PPP2R2D: variants seen among roughly 807,000 people sequenced by gnomAD.
The protein encoded by PPP2R2D is protein phosphatase 2 regulatory subunit Bdelta.
A neutral mutation model predicts 31.1 loss-of-function variants in PPP2R2D; 9 were observed. The ratio of observed to expected loss-of-function variants is 0.29; its 90% CI spans 0.17 to 0.51. The LOEUF (loss-of-function observed/expected upper bound fraction) is 0.51. PPP2R2D is among the 20% of genes least tolerant of loss of function. PPP2R2D has a pLI of 0.98. For missense variants in PPP2R2D, 391 were observed against 465.6 expected (o/e 0.84, Z 1.48); for synonymous variants, 179 against 172.6 (o/e 1.04, Z -0.29).
chr10:131,954,646 T>TTC (rs2036760293), intron 8 of PPP2R2D, among the ~76,000 whole-genome samples: 1 of 147,164 alleles, frequency 6.8e-6, no homozygotes, highest in Non-Finnish European at 1.5e-5. Context: ...TTTTTTTTTT[T>TTC]CCCCTGCTTT....
At chr10:131,923,971 G>A (rs1462710322) in intron 2 of PPP2R2D, among the ~76,000 whole-genome samples, 3 of 152,132 alleles carry the variant, frequency 2.0e-5, no homozygotes, top group Non-Finnish European at 4.4e-5. Flanking sequence ...TGTTGCCCAG[G>A]CTGGTCTTGA....
intron 5 of PPP2R2D, among the ~76,000 whole-genome samples, chr10:131,941,390 G>A (rs2036438226): frequency 6.6e-6 from 1 of 152,204 alleles, no homozygotes; most frequent in South Asian, 2.1e-4. Context: ...ACATGGTGAA[G>A]GGTGTCCGGC....
chr10:131,918,706 C>CAG (rs2035884147), intron 2 of PPP2R2D, among the ~76,000 whole-genome samples: 1 of 145,076 alleles, frequency 6.9e-6, no homozygotes, highest in Non-Finnish European at 1.5e-5. Flanking sequence ...GGTGGAATGA[C>CAG]AGTGTTTGTA....
chr10:131,948,601 G>C (rs1015644252), intron 8 of PPP2R2D, among the ~76,000 whole-genome samples: 1 of 152,202 alleles, frequency 6.6e-6, no homozygotes, highest in African/African-American at 2.4e-5. Context: ...CTAAGAGGGA[G>C]CTGAAACCAG....
intron 2 of PPP2R2D, among the ~76,000 whole-genome samples, chr10:131,919,117 A>C (rs1399524934): frequency 3.5e-5 from 4 of 115,666 alleles, no homozygotes; most frequent in Non-Finnish European, 7.1e-5. Context: ...CTGGAATGAC[A>C]GTGTAGGGAC....
intron 2 of PPP2R2D, among the ~76,000 whole-genome samples, chr10:131,904,150 GGC>G (rs2035544996): frequency 6.6e-6 from 1 of 151,870 alleles, no homozygotes; most frequent in Admixed American, 6.6e-5. Context: ...GTTGCAGTGA[GGC>G]GAGATGGTGC....
At chr10:131,964,232 C>T (rs1398740372), downstream of PPP2R2D, among the ~76,000 whole-genome samples, 1 of 152,072 alleles carries the variant, frequency 6.6e-6, no homozygotes, top group Admixed American at 6.5e-5. Flanking sequence ...GAGTATCTTG[C>T]GGGGACACAA....
intron 3 of PPP2R2D, chr10:131,935,078 G>A (rs1304088376): frequency 7.1e-6 from 3 of 420,022 alleles, no homozygotes; most frequent in African/African-American, 6.1e-5. Context: ...CCTTCAGAGT[G>A]TGGGCCTTGG....
intron 6 of PPP2R2D, 115 bp downstream of exon 6, chr10:131,944,260 T>C: frequency 4.0e-6 from 3 of 755,454 alleles, no homozygotes; most frequent in Non-Finnish European, 6.3e-6. Flanking sequence ...ATACCATCAC[T>C]GCACAGCAGC....
At chr10:131,965,371 C>T in the PPP2R2D span, among the ~76,000 whole-genome samples, 16 of 152,336 alleles carry the variant, frequency 1.1e-4, no homozygotes, top group East Asian at 2.7e-3. Context: ...TGGCATCACT[C>T]CCTCCTTATC....
At chr10:131,918,081 T>C (rs531299745) in intron 2 of PPP2R2D, among the ~76,000 whole-genome samples, 244 of 133,120 alleles carry the variant, frequency 1.8e-3, no homozygotes, top group African/African-American at 6.6e-3. Context: ...GCGGGTGGAG[T>C]GACACAGTGT....
chr10:131,965,167 G>T, the PPP2R2D span, among the ~76,000 whole-genome samples: 5 of 152,312 alleles, frequency 3.3e-5, no homozygotes, highest in South Asian at 1.0e-3. Context: ...GGCACTGGAG[G>T]ATCCACAGAG....
the PPP2R2D span, chr10:131,971,385 G>A: frequency 1.3e-5 from 3 of 233,562 alleles, no homozygotes; most frequent in Non-Finnish European, 2.5e-5. Flanking sequence ...ACATGACGAA[G>A]GAAGGGACAC....
the PPP2R2D span, chr10:131,967,144 G>C: frequency 6.6e-6 from 1 of 152,308 alleles, no homozygotes; most frequent in East Asian, 1.9e-4. Context: ...CAAAGTGCTG[G>C]GATTACAGGC....
chr10:131,921,934 G>T (rs1167622933), intron 2 of PPP2R2D, among the ~76,000 whole-genome samples: 2 of 152,180 alleles, frequency 1.3e-5, no homozygotes, highest in Non-Finnish European at 2.9e-5. Context: ...TGAGAGAAAG[G>T]TTAATATATT....
chr10:131,930,826 C>T (rs933596686), intron 2 of PPP2R2D, among the ~76,000 whole-genome samples: 1 of 152,164 alleles, frequency 6.6e-6, no homozygotes, highest in Non-Finnish European at 1.5e-5. Context: ...TTCTAGAACT[C>T]GTCAGCTGGG....
intron 2 of PPP2R2D, among the ~76,000 whole-genome samples, chr10:131,921,224 A>G (rs1238350463): frequency 6.6e-6 from 1 of 152,174 alleles, no homozygotes; most frequent in Non-Finnish European, 1.5e-5. Flanking sequence ...TTGTTGTTGC[A>G]TGTCTAGATC....
Position 131,959,025 on chromosome 10 carries a change from C to G in PPP2R2D, c.*3062C>G, listed in dbSNP as rs2036875398. On this transcript the variant is annotated 3_prime_UTR_variant, in exon 9 of 9. Transcript: ENST00000455566. ...AAGGCGTGTGCTGATCCCCCATCCC[C>G]CTGTGGAGATGAAGGCGTGTGCTCA... 7.7e-6 allele frequency: 1 copy of G among 130,588 alleles called. No homozygotes were observed. The highest frequency in any genetic ancestry group is 1.5e-5 in the Non-Finnish European group (1 of 65,586). The allele number at this position is 130,588 out of a possible 1,614,324, so 8.1% of individuals were successfully genotyped here. A position where few individuals can be genotyped will look rare whatever the true frequency, so the allele number is the denominator to read the frequency against.
chr10:131,961,822 T>G (rs1253220317), downstream of PPP2R2D, among the ~76,000 whole-genome samples: 1 of 142,482 alleles, frequency 7.0e-6, no homozygotes, highest in Non-Finnish European at 1.5e-5. Context: ...ACACTTGATG[T>G]CCTCCAGGGT....
Sources: gnomAD v4.1 joint callset for allele counts (sites outside exome capture counted in the v4.1 genomes callset) on GRCh38, gnomAD v4.1.1 for gene constraint, MANE v1.5 for transcripts, NCBI Gene and HGNC (gene_info 2026-07-23, HGNC 2026-07-21) for gene names.